Variants in MYH13 observed in about 807,000 individuals in gnomAD.
The protein encoded by MYH13 is myosin-13.
Under a neutral mutation model 232.1 loss-of-function variants are expected in MYH13, and 177 were observed. The ratio of observed to expected loss-of-function variants is 0.76; its 90% CI spans 0.67 to 0.86. The LOEUF is 0.86. MYH13 is among the 40% of genes least tolerant of loss of function. MYH13 has a pLI of 0.00. For synonymous variants in MYH13, 884 were observed against 923.5 expected (o/e 0.96, Z 0.78); for missense variants, 2,246 against 2,405.9 (o/e 0.93, Z 1.39).
rs59243034 is a variant in MYH13, at chr17:10,364,550, G to A, written c.-12-8C>T. ...GCTCATGACTGCAGAGGGCTGGGAAGACCAGAGGGACTGCTGAGTCTTGTG... is the reference window on the plus strand; with the variant it reads ...GCTCATGACTGCAGAGGGCTGGGAAAACCAGAGGGACTGCTGAGTCTTGTG... On this transcript the variant is annotated splice_polypyrimidine_tract_variant and splice_region_variant and intron_variant, in intron 2 of 40. Coordinates refer to ENST00000252172, the MANE Select transcript of MYH13 (RefSeq NM_003802.3). 9.0e-3 allele frequency: 14,168 copies of A among 1,567,252 alleles called. 459 individuals carry two copies. The African/African-American group carries it at 0.094, about 10-fold the overall frequency.
intron 27 of MYH13, chr17:10,317,972 T>G (rs1033754049): frequency 6.6e-6 from 1 of 152,274 alleles, no homozygotes; most frequent in Non-Finnish European, 1.5e-5. Context: ...CCAGGCACAG[T>G]GGCTCATGCC....
chr17:10,335,645 C>G (rs111904707), intron 18 of MYH13, among the ~76,000 whole-genome samples: 16 of 151,938 alleles, frequency 1.1e-4, no homozygotes, highest in African/African-American at 3.4e-4. Flanking sequence ...ATCCCAGTTA[C>G]TCGGGAGGCT....
At chr17:10,320,027 C>T in intron 26 of MYH13, 126 bp downstream of exon 26, 2 of 711,002 alleles carry the variant, frequency 2.8e-6, no homozygotes, top group Non-Finnish European at 4.7e-6. Context: ...AAGGAAATGA[C>T]AGGACATCTT....
intron 32 of MYH13, 84 bp from the exon 33 acceptor site, chr17:10,311,311 C>T (rs2074867): frequency 0.62 from 945,921 of 1,521,510 alleles, 297,068 homozygotes; most frequent in African/African-American, 0.73. Context: ...CAGGGATGGG[C>T]GATTCATTCA....
At chr17:10,345,645 T>C in intron 13 of MYH13, 29 bp from the exon 14 acceptor site, 3 of 1,614,126 alleles carry the variant, frequency 1.9e-6, no homozygotes, top group Non-Finnish European at 1.7e-6. Flanking sequence ...ACTCAACCCT[T>C]GAGTTAGTGT....
At chr17:10,348,800 G>T (rs17810892) in intron 12 of MYH13, among the ~76,000 whole-genome samples, 32,311 of 151,916 alleles carry the variant, frequency 0.21, 4,094 homozygotes, top group Non-Finnish European at 0.28. Flanking sequence ...GGCTTCCGTG[G>T]CCTGCCATAT....
At chr17:10,355,286 C>A in intron 8 of MYH13, 139 bp from the exon 9 acceptor site, 3 of 940,346 alleles carry the variant, frequency 3.2e-6, no homozygotes, top group Non-Finnish European at 3.2e-6. Flanking sequence ...CTTTGGTGAA[C>A]CTTCTGGATT....
intron 34 of MYH13, 39 bp from the exon 35 acceptor site, chr17:10,309,476 C>T: frequency 6.2e-7 from 1 of 1,600,188 alleles, no homozygotes; most frequent in Non-Finnish European, 8.5e-7. Flanking sequence ...AGCCGCCTGG[C>T]AGGCTGGGGC....
chr17:10,363,387 CA>C (rs1213423404), intron 3 of MYH13, among the ~76,000 whole-genome samples: 2 of 150,324 alleles, frequency 1.3e-5, no homozygotes, highest in Admixed American at 1.3e-4. Flanking sequence ...TTTTGTTTTC[CA>C]AAAACCTAAG....
At chr17:10,336,966 G>A (rs1433772532) in intron 18 of MYH13, among the ~76,000 whole-genome samples, 5 of 150,880 alleles carry the variant, frequency 3.3e-5, no homozygotes, top group Admixed American at 6.6e-5. Flanking sequence ...CACTGAGGCT[G>A]GAGTGCAGTG....
chr17:10,340,276 C>A, intron 17 of MYH13, 39 bp from the exon 18 acceptor site: 1 of 1,613,194 alleles, frequency 6.2e-7, no homozygotes, highest in African/African-American at 1.3e-5. Context: ...TAGCAACTGC[C>A]ATTTCACTGG....
At chr17:10,328,168 T>C (rs1445788152) in intron 21 of MYH13, 47 bp from the exon 22 acceptor site, 1 of 1,602,168 alleles carries the variant, frequency 6.2e-7, no homozygotes, top group East Asian at 2.3e-5. Flanking sequence ...CAAGGTCTGG[T>C]CTCTGCACCC....
At chr17:10,322,193 C>T (rs1906970911) in intron 23 of MYH13, among the ~76,000 whole-genome samples, 1 of 151,722 alleles carries the variant, frequency 6.6e-6, no homozygotes, top group African/African-American at 2.4e-5. Flanking sequence ...GAGATCGAGA[C>T]CATCCTGACT....
chr17:10,312,183 T>G, intron 31 of MYH13, 107 bp from the exon 32 acceptor site: 1 of 1,261,298 alleles, frequency 7.9e-7, no homozygotes, highest in East Asian at 2.4e-5. Context: ...CCTTCCATCC[T>G]TAGGGACTGA....
At chr17:10,329,721 G>A (rs956142990) in intron 21 of MYH13, among the ~76,000 whole-genome samples, 2 of 152,206 alleles carry the variant, frequency 1.3e-5, no homozygotes, top group East Asian at 1.9e-4. Context: ...AGTGGCTTAC[G>A]CCTGTAATCC....
At chr17:10,316,642 C>G (rs537360346) in intron 27 of MYH13, among the ~76,000 whole-genome samples, 3 of 152,266 alleles carry the variant, frequency 2.0e-5, no homozygotes, top group South Asian at 2.1e-4. Flanking sequence ...GCAAGCAATA[C>G]AAGCCTGTGA....
At chr17:10,363,102 T>C (rs2071806132) in intron 3 of MYH13, among the ~76,000 whole-genome samples, 1 of 152,140 alleles carries the variant, frequency 6.6e-6, no homozygotes, top group African/African-American at 2.4e-5. Flanking sequence ...CAGAATATTA[T>C]TTAATTTTTT....
At position 10,311,237 on chromosome 17, in the gene MYH13, A is replaced by G. The variant is rs1482193180; in HGVS notation, c.4532-10T>C. Reference sequence around the variant, plus strand: ...AAGTCGGAAATCTCTTCTGCAAAGGACAGGCTTGATTTAGGCTGTTTCAAC... The same window carrying G: ...AAGTCGGAAATCTCTTCTGCAAAGGGCAGGCTTGATTTAGGCTGTTTCAAC... On this transcript the variant is annotated splice_polypyrimidine_tract_variant and intron_variant, in intron 32 of 40. Transcript: ENST00000252172. The G allele has an allele frequency of 3.1e-6, 5 of 1,613,842 alleles. No individual in the cohort carries two copies. The highest frequency in any genetic ancestry group is 4.2e-6 in the Non-Finnish European group (5 of 1,179,866).
chr17:10,320,693 G>A (rs1247361962), intron 24 of MYH13, among the ~76,000 whole-genome samples, 197 bp from the exon 25 acceptor site: 3 of 152,224 alleles, frequency 2.0e-5, no homozygotes, highest in African/African-American at 7.2e-5. Flanking sequence ...ACTACCCAGG[G>A]TGGGGCTGGA....
Sources: gnomAD v4.1 joint callset for allele counts (sites outside exome capture counted in the v4.1 genomes callset) on GRCh38, gnomAD v4.1.1 for gene constraint, MANE v1.5 for transcripts, NCBI Gene and HGNC (gene_info 2026-07-23, HGNC 2026-07-21) for gene names.